Variants in SORCS2 observed in about 807,000 individuals in gnomAD.
SORCS2 encodes VPS10 domain-containing receptor SorCS2.
SORCS2 carries 100 observed loss-of-function variants against 141.6 expected under a neutral mutation model. The observed-to-expected ratio is 0.71, with a 90% CI of 0.60 to 0.83. SORCS2 has a LOEUF of 0.83. Among genes scored for constraint, SORCS2 ranks in the 40% least tolerant of loss-of-function variants. SORCS2 has a pLI of 0.00. For missense variants in SORCS2, 1,646 were observed against 1,560.2 expected, an observed-to-expected ratio of 1.05 and a Z score of -0.93; for synonymous variants, 789 against 676.9, an observed-to-expected ratio of 1.17 and a Z score of -2.57.
chr4:7,691,655 G>T (rs1056297240), intron 11 of SORCS2, among the ~76,000 whole-genome samples: 1 of 152,076 alleles, frequency 6.6e-6, no homozygotes, highest in South Asian at 2.1e-4. Context: ...TCAATGTGAA[G>T]CCGCTGACTG....
chr4:7,450,123 T>C (rs981965725), intron 2 of SORCS2, among the ~76,000 whole-genome samples: 3 of 152,206 alleles, frequency 2.0e-5, no homozygotes, highest in African/African-American at 7.2e-5. Context: ...CTCTGCAGAC[T>C]GCATGTGGCT....
intron 1 of SORCS2, among the ~76,000 whole-genome samples, chr4:7,359,226 G>T (rs1721436780): frequency 6.6e-6 from 1 of 152,164 alleles, no homozygotes; most frequent in Admixed American, 6.5e-5. Flanking sequence ...AACCCAGGAG[G>T]TGGAGGTTGC....
At chr4:7,261,337 C>T (rs770149292) in intron 1 of SORCS2, among the ~76,000 whole-genome samples, 19 of 152,220 alleles carry the variant, frequency 1.2e-4, no homozygotes, top group South Asian at 2.1e-4. Context: ...GGCTCTGCGA[C>T]GGCCATAAAT....
intron 3 of SORCS2, among the ~76,000 whole-genome samples, chr4:7,626,796 G>A (rs1271904493): frequency 4.6e-5 from 7 of 151,984 alleles, no homozygotes; most frequent in East Asian, 1.9e-4. Context: ...ATCCTGTCCC[G>A]TCTTGTCCTG....
intron 3 of SORCS2, among the ~76,000 whole-genome samples, chr4:7,553,378 C>T (rs1248892582): frequency 6.6e-6 from 1 of 152,078 alleles, no homozygotes; most frequent in African/African-American, 2.4e-5. Context: ...AAAAATGGGC[C>T]ATTACAAACA....
intron 3 of SORCS2, among the ~76,000 whole-genome samples, chr4:7,534,221 A>G (rs1368406076): frequency 6.6e-6 from 1 of 152,232 alleles, no homozygotes; most frequent in Non-Finnish European, 1.5e-5. Context: ...CCGAGTGGAC[A>G]CTGTAGCCGC....
intron 22 of SORCS2, 44 bp from the exon 23 acceptor site, chr4:7,729,543 A>T (rs1249453734): frequency 1.3e-6 from 2 of 1,551,064 alleles, no homozygotes; most frequent in African/African-American, 2.7e-5. Context: ...GAGGCAGGGA[A>T]TGAGGAAGAC....
Position 7,661,560 on chromosome 4 carries a change from T to G in SORCS2, c.948T>G (p.Gly316=), listed in dbSNP as rs1388615134. Residue 316 remains glycine, a synonymous_variant, in exon 6 of 27, where the codon GGT becomes GGG. Transcript: ENST00000507866. Reference sequence around the variant, plus strand: ...TCCACGTGGAAGCCCAAGACCTCGGTGGAGGTAAGCCGGGCAGTGCACAGG... The same window carrying G: ...TCCACGTGGAAGCCCAAGACCTCGGGGGAGGTAAGCCGGGCAGTGCACAGG... ...DLVHVEAQDL[G]GDFRYVTCAI... 6.4e-7 allele frequency: 1 copy of G among 1,551,772 alleles called. No homozygotes were observed. The highest frequency in any genetic ancestry group is 2.0e-5 in the Admixed American group (1 of 51,028).
At chr4:7,470,452 G>C (rs1488363578) in intron 2 of SORCS2, among the ~76,000 whole-genome samples, 1 of 152,212 alleles carries the variant, frequency 6.6e-6, no homozygotes, top group Non-Finnish European at 1.5e-5. Flanking sequence ...CATTCATCCA[G>C]GTGGGATAGG....
At chr4:7,440,919 G>A (rs1390685873) in intron 2 of SORCS2, among the ~76,000 whole-genome samples, 2 of 152,224 alleles carry the variant, frequency 1.3e-5, no homozygotes, top group African/African-American at 4.8e-5. Flanking sequence ...ATGAGGAGTG[G>A]CTCTTTGCGG....
intron 2 of SORCS2, among the ~76,000 whole-genome samples, chr4:7,399,004 C>T (rs375995315): frequency 1.3e-5 from 2 of 152,196 alleles, no homozygotes; most frequent in Non-Finnish European, 2.9e-5. Context: ...AACTCCTGCT[C>T]ATTTGACAGG....
chr4:7,446,567 C>T (rs1201093105), intron 2 of SORCS2, among the ~76,000 whole-genome samples: 1 of 152,138 alleles, frequency 6.6e-6, no homozygotes, highest in Non-Finnish European at 1.5e-5. Context: ...CCTGAGCCCT[C>T]GGGAGGGACT....
At chr4:7,414,592 A>G (rs2109165507) in intron 2 of SORCS2, among the ~76,000 whole-genome samples, 1 of 152,320 alleles carries the variant, frequency 6.6e-6, no homozygotes, top group African/African-American at 2.4e-5. Flanking sequence ...TTTTATACCT[A>G]GGTTTAGGAA....
intron 1 of SORCS2, among the ~76,000 whole-genome samples, chr4:7,377,179 T>C (rs565824534): frequency 2.6e-4 from 40 of 152,326 alleles, no homozygotes; most frequent in Non-Finnish European, 4.6e-4. Flanking sequence ...TCTTTTTTTT[T>C]CCTCCGGATT....
intron 2 of SORCS2, chr4:7,434,900 C>A: frequency 6.6e-7 from 1 of 1,524,988 alleles, no homozygotes. Context: ...GACTCTCTGG[C>A]TCCAGAGTAC....
intron 2 of SORCS2, among the ~76,000 whole-genome samples, chr4:7,458,205 G>T (rs892517912): frequency 6.6e-6 from 1 of 152,164 alleles, no homozygotes; most frequent in African/African-American, 2.4e-5. Context: ...CCTGTGGGGC[G>T]GGGGGAGGCG....
At chr4:7,564,945 T>C (rs989953529) in intron 3 of SORCS2, among the ~76,000 whole-genome samples, 2 of 152,194 alleles carry the variant, frequency 1.3e-5, no homozygotes, top group East Asian at 1.9e-4. Flanking sequence ...AGCTGAACTT[T>C]GGAAGTGGCC....
chr4:7,520,755 G>T (rs1164355225), intron 2 of SORCS2, among the ~76,000 whole-genome samples: 1 of 152,238 alleles, frequency 6.6e-6, no homozygotes, highest in African/African-American at 2.4e-5. Context: ...CACACTGCCA[G>T]GGCTGAGTCT....
intron 1 of SORCS2, among the ~76,000 whole-genome samples, chr4:7,340,486 G>A (rs561862565): frequency 6.6e-6 from 1 of 152,238 alleles, no homozygotes; most frequent in African/African-American, 2.4e-5. Context: ...ACCCTGGAAG[G>A]TGCCAGCTTC....
Sources: gnomAD v4.1 joint callset for allele counts (sites outside exome capture counted in the v4.1 genomes callset) on GRCh38, gnomAD v4.1.1 for gene constraint, MANE v1.5 for transcripts, NCBI Gene and HGNC (gene_info 2026-07-23, HGNC 2026-07-21) for gene names.